Variants in ADAMTS12 observed in about 807,000 individuals in gnomAD.
The protein encoded by ADAMTS12 is ADAM metallopeptidase with thrombospondin type 1 motif 12.
ADAMTS12 carries 118 observed loss-of-function variants against 167.8 expected under a neutral mutation model. The ratio of observed to expected loss-of-function variants is 0.70; its 90% CI spans 0.61 to 0.82. The LOEUF (loss-of-function observed/expected upper bound fraction) is 0.82. ADAMTS12 is among the 40% of genes least tolerant of loss of function. ADAMTS12 has a pLI of 0.00. For missense variants in ADAMTS12, 1,916 were observed against 1,998.8 expected (o/e 0.96, Z 0.79); for synonymous variants, 704 against 716.9 (o/e 0.98, Z 0.29).
chr5:33,647,250 GA>G (rs1377791792), intron 9 of ADAMTS12, among the ~76,000 whole-genome samples: 4 of 152,124 alleles, frequency 2.6e-5, no homozygotes, highest in Middle Eastern at 3.2e-3. Context: ...TTTATTGCAA[GA>G]AAATAGGAAG....
chr5:33,529,309 A>G (rs1162077655), intron 23 of ADAMTS12, among the ~76,000 whole-genome samples: 1 of 152,200 alleles, frequency 6.6e-6, no homozygotes, highest in Non-Finnish European at 1.5e-5. Context: ...TGGGTTGCTC[A>G]GGGACCACCC....
At chr5:33,676,683 TACACAC>T (rs141431526) in intron 5 of ADAMTS12, among the ~76,000 whole-genome samples, 1 of 136,394 alleles carries the variant, frequency 7.3e-6, no homozygotes, top group South Asian at 2.7e-4. Context: ...CTGTCTATCT[TACACAC>T]ACACACACAC....
intron 3 of ADAMTS12, among the ~76,000 whole-genome samples, chr5:33,737,087 C>G (rs1182689754): frequency 6.6e-6 from 1 of 152,194 alleles, no homozygotes; most frequent in African/African-American, 2.4e-5. Flanking sequence ...GGGAAGGTAT[C>G]AAACATCCCA....
chr5:33,778,838 T>C (rs947071496), intron 2 of ADAMTS12, among the ~76,000 whole-genome samples: 3 of 151,764 alleles, frequency 2.0e-5, no homozygotes, highest in Non-Finnish European at 4.4e-5. Flanking sequence ...AATGAATAAC[T>C]CAATTAAAAA....
Position 33,682,922 on chromosome 5 carries a change from G to T in ADAMTS12, c.915+96C>A, listed in dbSNP as rs558935903. The T allele has an allele frequency of 6.8e-5, 65 of 956,366 alleles. No individual in the cohort carries two copies. The South Asian group carries it at 1.1e-3, about 15-fold the overall frequency. The allele number at this position is 956,366 out of a possible 1,614,324, so 59.2% of individuals were successfully genotyped here. ...CTCGATGGGCTTCCAAACACTTTCT[G>T]GTACCCTCTTTCTTGTCTACCAAGA... On this transcript the variant is annotated intron_variant, in intron 5 of 23. Coordinates refer to ENST00000504830, the MANE Select transcript of ADAMTS12 (RefSeq NM_030955.4).
At chr5:33,594,335 T>C (rs1303618905) in intron 17 of ADAMTS12, among the ~76,000 whole-genome samples, 1 of 152,242 alleles carries the variant, frequency 6.6e-6, no homozygotes, top group Non-Finnish European at 1.5e-5. Flanking sequence ...TAAACCTCTT[T>C]TTCTTTGTAA....
At chr5:33,733,386 GT>G in intron 3 of ADAMTS12, among the ~76,000 whole-genome samples, 1 of 152,202 alleles carries the variant, frequency 6.6e-6, no homozygotes, top group Non-Finnish European at 1.5e-5. Flanking sequence ...TTTTAACAGC[GT>G]GAGCCTGAGC....
chr5:33,689,558 T>C (rs1318985755), intron 3 of ADAMTS12, among the ~76,000 whole-genome samples: 4 of 152,194 alleles, frequency 2.6e-5, no homozygotes, highest in Non-Finnish European at 4.4e-5. Flanking sequence ...ATACTAGATT[T>C]CTGGAGACAA....
intron 23 of ADAMTS12, among the ~76,000 whole-genome samples, chr5:33,534,126 A>C (rs1744254486): frequency 6.6e-6 from 1 of 152,198 alleles, no homozygotes; most frequent in Non-Finnish European, 1.5e-5. Context: ...TCACGCAGAG[A>C]GCCTCCTGTA....
intron 9 of ADAMTS12, among the ~76,000 whole-genome samples, chr5:33,646,558 G>A (rs980567173): frequency 6.6e-6 from 1 of 152,144 alleles, no homozygotes; most frequent in South Asian, 2.1e-4. Context: ...TGCTGCTCAT[G>A]AAGTCAACAC....
intron 3 of ADAMTS12, among the ~76,000 whole-genome samples, chr5:33,709,691 A>G (rs911720598): frequency 6.6e-6 from 1 of 150,558 alleles, no homozygotes; most frequent in African/African-American, 2.4e-5. Context: ...AACAACACAC[A>G]TGGGGGATTG....
chr5:33,635,593 A>T lies in ADAMTS12; in HGVS notation c.1888+1984T>A, dbSNP rs193067747. ...AAGCATATAAAGTGCTGTGGGAAGT[A>T]TCACTGTCCACTGAGGGGGTAGAAA... On this transcript the variant is annotated intron_variant, in intron 12 of 23. Transcript: ENST00000504830. Among the ~76,000 whole-genome samples the T allele has an allele frequency of 5.4e-3, 824 of 152,316 alleles. 3 individuals carry two copies. Among genetic ancestry groups the T allele is most frequent in the Admixed American group, 9.9e-3 (151 of 15,300 alleles).
intron 5 of ADAMTS12, among the ~76,000 whole-genome samples, chr5:33,672,389 T>G (rs778216965): frequency 6.6e-6 from 1 of 151,700 alleles, no homozygotes; most frequent in Non-Finnish European, 1.5e-5. Context: ...GTATTCTACA[T>G]CCACACACTC....
intron 3 of ADAMTS12, among the ~76,000 whole-genome samples, chr5:33,694,533 G>A (rs1165900874): frequency 6.6e-6 from 1 of 152,134 alleles, no homozygotes; most frequent in African/African-American, 2.4e-5. Context: ...CTGGTAAAAA[G>A]GTTCGAAAAT....
chr5:33,644,393 A>T (rs1170713601), intron 9 of ADAMTS12, among the ~76,000 whole-genome samples: 1 of 152,144 alleles, frequency 6.6e-6, no homozygotes, highest in Non-Finnish European at 1.5e-5. Context: ...AAGGGAAGTA[A>T]TTTTCTCAGC....
intron 3 of ADAMTS12, among the ~76,000 whole-genome samples, chr5:33,708,292 A>C (rs926757382): frequency 6.6e-6 from 1 of 152,214 alleles, no homozygotes; most frequent in East Asian, 1.9e-4. Flanking sequence ...AAAAGTCAGG[A>C]AACAACAGAC....
intron 3 of ADAMTS12, among the ~76,000 whole-genome samples, chr5:33,715,205 A>G (rs1424335514): frequency 6.6e-6 from 1 of 152,002 alleles, no homozygotes; most frequent in Non-Finnish European, 1.5e-5. Context: ...ATTTCATTTC[A>G]TTCAATAGGA....
intron 2 of ADAMTS12, among the ~76,000 whole-genome samples, chr5:33,766,220 G>A (rs887442036): frequency 1.3e-5 from 2 of 152,138 alleles, no homozygotes; most frequent in African/African-American, 2.4e-5. Context: ...CTTCAACCAC[G>A]TGATCAAGGT....
intron 2 of ADAMTS12, among the ~76,000 whole-genome samples, chr5:33,797,504 A>C (rs1241025277): frequency 6.7e-6 from 1 of 149,992 alleles, no homozygotes; most frequent in African/African-American, 2.4e-5. Flanking sequence ...AGAGGGACAC[A>C]GCGAGATTGA....
Sources: gnomAD v4.1 joint callset for allele counts (sites outside exome capture counted in the v4.1 genomes callset) on GRCh38, gnomAD v4.1.1 for gene constraint, MANE v1.5 for transcripts, NCBI Gene and HGNC (gene_info 2026-07-23, HGNC 2026-07-21) for gene names.